Variants in ARHGEF10 observed in about 807,000 individuals in gnomAD.
ARHGEF10 encodes Rho guanine nucleotide exchange factor (GEF) 10.
A neutral mutation model predicts 147.4 loss-of-function variants in ARHGEF10; 140 were observed. That is an observed-to-expected ratio of 0.95 (90% CI 0.83 to 1.09). ARHGEF10 has a LOEUF of 1.09. Among genes scored for constraint, ARHGEF10 ranks in the 50% least tolerant of loss-of-function variants. ARHGEF10 has a pLI of 0.00. For missense variants in ARHGEF10, 2,222 were observed against 1,752.7 expected (o/e 1.27, Z -4.78); for synonymous variants, 902 against 695.8 (o/e 1.30, Z -4.67).
At chr8:1,857,201 T>G (rs1431100403) in intron 2 of ARHGEF10, among the ~76,000 whole-genome samples, 6 of 152,226 alleles carry the variant, frequency 3.9e-5, no homozygotes. Flanking sequence ...CCATCAGAGA[T>G]ATTTAATTAA....
At position 1,957,404 on chromosome 8, in the gene ARHGEF10, C is replaced by T. The variant is rs1011338214; in HGVS notation, c.*141C>T. The T allele has an allele frequency of 8.3e-6, 10 of 1,210,980 alleles. No homozygotes were observed. The highest frequency in any genetic ancestry group is 5.1e-5 in the East Asian group (2 of 39,210). 75.0% of individuals were successfully genotyped at this position (1,210,980 alleles called of 1,614,324 possible). On this transcript the variant is annotated 3_prime_UTR_variant, in exon 29 of 29. Coordinates refer to ENST00000349830, the MANE Select transcript of ARHGEF10 (RefSeq NM_014629.4). ...TATTTGGGGGAGAAACGTGCAATAG[C>T]GTAATGGTGGTGTCCCTGCCAATTC...
In ARHGEF10 at chr8:1,866,508, T is replaced by C. The variant is rs748802346; in HGVS notation, c.546-18T>C. ...GCTGTGCCTGGATATTCTGACTTTA[T>C]GGTTTGTTTTCTTTAAGTGAAGATC... On this transcript the variant is annotated intron_variant, in intron 5 of 28. Coordinates refer to ENST00000349830, the MANE Select transcript of ARHGEF10 (RefSeq NM_014629.4). 1 of 1,612,164 alleles carries C rather than the reference T, an allele frequency of 6.2e-7. No individual in the cohort carries two copies. The highest frequency in any genetic ancestry group is 1.1e-5 in the South Asian group (1 of 91,066).
Position 1,905,552 on chromosome 8 carries a change from C to T in ARHGEF10, c.1822-19C>T, listed in dbSNP as rs761770681. 1.1e-5 allele frequency: 18 copies of T among 1,614,132 alleles called. No homozygotes were observed. Among genetic ancestry groups the T allele is most frequent in the Non-Finnish European group, 1.4e-5 (17 of 1,180,010 alleles). ...GGTAAACTGAACTGTGGTCCCTGGG[C>T]TGTGTTTTGAATGTCCAGCTTCTCA... On this transcript the variant is annotated intron_variant, in intron 16 of 28. Transcript: ENST00000349830.
chr8:1,887,757 G>A lies in ARHGEF10; in HGVS notation c.1182+2050G>A, dbSNP rs189622230. On this transcript the variant is annotated intron_variant, in intron 11 of 28. Transcript: ENST00000349830. ...TGGGATGAGGGTTTTGAGGAGACACGGAGTGGGGTGAGGGTTGTGATGAGA... is the reference window on the plus strand; with the variant it reads ...TGGGATGAGGGTTTTGAGGAGACACAGAGTGGGGTGAGGGTTGTGATGAGA... Among the ~76,000 whole-genome samples the A allele has an allele frequency of 2.3e-3, 238 of 103,622 alleles. 1 individual carries two copies. The highest frequency in any genetic ancestry group is 6.9e-3 in the African/African-American group (216 of 31,134). 68.0% of individuals were successfully genotyped at this position (103,622 alleles called of 152,430 possible). A position where few individuals can be genotyped will look rare whatever the true frequency, so the allele number is the denominator to read the frequency against.
chr8:1,858,278 C>G (rs1585289159), intron 3 of ARHGEF10, among the ~76,000 whole-genome samples, 163 bp downstream of exon 3: 3 of 151,812 alleles, frequency 2.0e-5, no homozygotes, highest in East Asian at 3.9e-4. Context: ...CCAGGTGAGT[C>G]CGCAGATCAC....
At chr8:1,876,850 A>G (rs1451341112) in intron 8 of ARHGEF10, 116 bp downstream of exon 8, 7 of 1,220,002 alleles carry the variant, frequency 5.7e-6, no homozygotes, top group Non-Finnish European at 8.4e-6. Flanking sequence ...GATGCTGATA[A>G]GTAGTTTGGG....
chr8:1,840,018 T>C lies in ARHGEF10; in HGVS notation c.-47-3335T>C, dbSNP rs546507252. ...ACTGTCTGGTGTGGAAGCTGTCCGA[T>C]ATGGGGACTGTCCTGTGTGGAAGCT... On this transcript the variant is annotated intron_variant, in intron 1 of 28. Coordinates refer to ENST00000349830, the MANE Select transcript of ARHGEF10 (RefSeq NM_014629.4). Among the ~76,000 whole-genome samples the C allele has an allele frequency of 2.0e-3, 290 of 146,000 alleles. 15 individuals carry two copies. Among genetic ancestry groups the C allele is most frequent in the African/African-American group, 6.6e-3 (254 of 38,280 alleles).
chr8:1,878,184 A>G (rs1479982766), intron 8 of ARHGEF10, among the ~76,000 whole-genome samples: 2 of 124,122 alleles, frequency 1.6e-5, no homozygotes, highest in Admixed American at 8.7e-5. Context: ...CTGCAATTGT[A>G]GTTTTTCGGG....
intron 15 of ARHGEF10, 28 bp downstream of exon 15, chr8:1,898,553 G>C: frequency 6.2e-7 from 1 of 1,602,802 alleles, no homozygotes; most frequent in Non-Finnish European, 8.5e-7. Context: ...ACCTCCTCAA[G>C]CTAGTCCTCT....
At chr8:1,845,401 G>T (rs1388235641) in intron 2 of ARHGEF10, among the ~76,000 whole-genome samples, 1 of 152,222 alleles carries the variant, frequency 6.6e-6, no homozygotes, top group Non-Finnish European at 1.5e-5. Context: ...GTGCTTTTCT[G>T]TTGCCTCCCC....
chr8:1,952,794 G>A lies in ARHGEF10; in HGVS notation c.3487G>A (p.Val1163Ile). 6.2e-7 allele frequency: 1 copy of A among 1,613,846 alleles called. No homozygotes were observed. The highest frequency in any genetic ancestry group is 8.5e-7 in the Non-Finnish European group (1 of 1,180,042). The change falls in exon 28 of 29, where the codon GTC becomes ATC. Residue 1163 changes from valine (V) to isoleucine (I), a missense_variant. Val to Ile is a conservative substitution (Grantham distance 29). Coordinates refer to ENST00000349830, the MANE Select transcript of ARHGEF10 (RefSeq NM_014629.4). Reference sequence around the variant, plus strand: ...CCTGGGAGTCCTCGTGGCCCTGCCGGTCCCACGTCTGCAAGGGATTCCCAA... The same window carrying A: ...CCTGGGAGTCCTCGTGGCCCTGCCGATCCCACGTCTGCAAGGGATTCCCAA... The part of the protein sequence containing the change: ...TSLGVLVALP[V>I]PRLQGIPKVT...
chr8:1,871,740 C>A (rs1344959070), intron 7 of ARHGEF10, among the ~76,000 whole-genome samples: 1 of 152,076 alleles, frequency 6.6e-6, no homozygotes, highest in African/African-American at 2.4e-5. Flanking sequence ...TTACTTGAAC[C>A]CGGGAGGTGG....
intron 26 of ARHGEF10, among the ~76,000 whole-genome samples, chr8:1,945,084 G>A (rs553215823): frequency 1.2e-4 from 18 of 152,352 alleles, no homozygotes; most frequent in Admixed American, 5.2e-4. Flanking sequence ...GGGTCAGGCT[G>A]CAGGCAGGCA....
chr8:1,844,743 C>T (rs1010486915), intron 2 of ARHGEF10, among the ~76,000 whole-genome samples: 3 of 152,098 alleles, frequency 2.0e-5, no homozygotes, highest in Non-Finnish European at 4.4e-5. Flanking sequence ...GGATTGCTGG[C>T]ATTCAGGCTC....
intron 27 of ARHGEF10, among the ~76,000 whole-genome samples, chr8:1,950,440 C>G (rs1213506671): frequency 6.6e-6 from 1 of 152,232 alleles, no homozygotes; most frequent in East Asian, 1.9e-4. Context: ...TGGAACTTAA[C>G]TCTTTTACGT....
chr8:1,833,576 C>T (rs564484336), intron 1 of ARHGEF10, among the ~76,000 whole-genome samples: 13 of 152,324 alleles, frequency 8.5e-5, no homozygotes, highest in African/African-American at 3.1e-4. Context: ...GCCCTGTTAC[C>T]GCCTCCAAGC....
intron 9 of ARHGEF10, 37 bp downstream of exon 9, chr8:1,880,201 A>C (rs1351986220): frequency 6.7e-7 from 1 of 1,482,052 alleles, no homozygotes; most frequent in Non-Finnish European, 9.4e-7. Context: ...CCCACTTGCC[A>C]GCCGGGCAGT....
At chr8:1,889,152 G>A (rs759752600) in intron 11 of ARHGEF10, among the ~76,000 whole-genome samples, 28 of 88,474 alleles carry the variant, frequency 3.2e-4, no homozygotes, top group African/African-American at 2.2e-3. Context: ...TGAGGGTTGT[G>A]AGGAGACGCT....
At chr8:1,952,614 A>C in intron 27 of ARHGEF10, 91 bp from the exon 28 acceptor site, 4 of 1,542,340 alleles carry the variant, frequency 2.6e-6, no homozygotes, top group South Asian at 1.1e-5. Flanking sequence ...TGGTGGCACG[A>C]CAGGCCTGTG....
Sources: gnomAD v4.1 joint callset for allele counts (sites outside exome capture counted in the v4.1 genomes callset) on GRCh38, gnomAD v4.1.1 for gene constraint, MANE v1.5 for transcripts, NCBI Gene and HGNC (gene_info 2026-07-23, HGNC 2026-07-21) for gene names.